SLC4A4: variants seen among roughly 807,000 people sequenced by gnomAD.
SLC4A4 encodes electrogenic sodium bicarbonate cotransporter 1.
A neutral mutation model predicts 111.5 loss-of-function variants in SLC4A4; 27 were observed. The ratio of observed to expected loss-of-function variants is 0.24; its 90% CI spans 0.18 to 0.33. The LOEUF is 0.33. SLC4A4 is among the 10% of genes least tolerant of loss of function. SLC4A4 has a pLI of 1.00. For missense variants in SLC4A4, 909 were observed against 1,315.5 expected (o/e 0.69, Z 4.78); for synonymous variants, 443 against 463.4 (o/e 0.96, Z 0.57).
chr4:71,524,737 A>G (rs1184944914), intron 16 of SLC4A4, among the ~76,000 whole-genome samples: 1 of 152,000 alleles, frequency 6.6e-6, no homozygotes, highest in Non-Finnish European at 1.5e-5. Context: ...TTTTGTGATT[A>G]CCAAAATAGC....
chr4:71,445,344 T>G (rs887753389), intron 8 of SLC4A4, among the ~76,000 whole-genome samples: 8 of 152,192 alleles, frequency 5.3e-5, no homozygotes, highest in African/African-American at 1.9e-4. Flanking sequence ...AGACAATGTT[T>G]TGGCTTTGTT....
At chr4:71,331,946 T>C (rs1025127919) in intron 3 of SLC4A4, among the ~76,000 whole-genome samples, 9 of 152,164 alleles carry the variant, frequency 5.9e-5, no homozygotes, top group African/African-American at 1.9e-4. Context: ...TTCTTCTAAG[T>C]TTCTCAGTTT....
intron 1 of SLC4A4, among the ~76,000 whole-genome samples, chr4:71,204,710 A>G (rs932763587): frequency 3.3e-5 from 5 of 152,178 alleles, no homozygotes; most frequent in African/African-American, 9.7e-5. Context: ...TTCAAAAACA[A>G]CTTTAATATA....
At chr4:71,467,339 T>C (rs1251929731) in intron 13 of SLC4A4, among the ~76,000 whole-genome samples, 2 of 152,108 alleles carry the variant, frequency 1.3e-5, no homozygotes, top group African/African-American at 4.8e-5. Context: ...TCACCCCAGT[T>C]TCATGTTCTT....
chr4:71,339,284 C>G, intron 3 of SLC4A4, 86 bp from the exon 4 acceptor site: 1 of 1,614,134 alleles, frequency 6.2e-7, no homozygotes, highest in African/African-American at 1.3e-5. Context: ...AGCCCAGTAA[C>G]CTTGGGGAGA....
chr4:71,102,549 C>T (rs1241076042), intron 2 of SLC4A4, among the ~76,000 whole-genome samples: 1 of 152,094 alleles, frequency 6.6e-6, no homozygotes, highest in Non-Finnish European at 1.5e-5. Flanking sequence ...AAAGGAAAGC[C>T]CATCAGACTA....
intron 3 of SLC4A4, among the ~76,000 whole-genome samples, chr4:71,262,773 T>C (rs74664833): frequency 0.016 from 2,417 of 152,176 alleles, 70 homozygotes; most frequent in African/African-American, 0.055. Context: ...TTTTTTTTTT[T>C]CTAGCAAACA....
rs200279577 is a variant in SLC4A4 at position 71,560,079 on chromosome 4, A to G, written c.2938-14A>G. 5.6e-6 allele frequency: 9 copies of G among 1,598,376 alleles called. 1 individual carries two copies. Among genetic ancestry groups the G allele is most frequent in the South Asian group, 3.3e-5 (3 of 90,718 alleles). ...ACATGGTTTCTTTCATACTTTTAAT[A>G]TTTGCTCTTTCAGATCTTGGCACTT... On this transcript the variant is annotated splice_polypyrimidine_tract_variant and intron_variant, in intron 22 of 25. Coordinates refer to ENST00000264485, the MANE Select transcript of SLC4A4 (RefSeq NM_001098484.3).
intron 22 of SLC4A4, among the ~76,000 whole-genome samples, chr4:71,559,818 C>A (rs1314670999): frequency 6.6e-6 from 1 of 151,956 alleles, no homozygotes; most frequent in Non-Finnish European, 1.5e-5. Flanking sequence ...GAAAAACAAT[C>A]TTTTCACATT....
At chr4:71,434,657 A>T (rs374438915) in intron 7 of SLC4A4, 2 of 152,188 alleles carry the variant, frequency 1.3e-5, no homozygotes, top group African/African-American at 4.8e-5. Flanking sequence ...ACACAATTGT[A>T]TATTTAGAAA....
intron 2 of SLC4A4, 77 bp downstream of exon 2, chr4:71,236,726 A>G (rs1785621669): frequency 5.8e-6 from 7 of 1,207,626 alleles, no homozygotes; most frequent in Non-Finnish European, 7.3e-6. Flanking sequence ...TGCATTTCAT[A>G]TATCTTACAT....
At chr4:71,559,174 G>C (rs1026027969) in intron 22 of SLC4A4, among the ~76,000 whole-genome samples, 2 of 151,896 alleles carry the variant, frequency 1.3e-5, no homozygotes, top group African/African-American at 2.4e-5. Context: ...GTCATATAGA[G>C]AGCACGATGC....
chr4:71,469,100 G>A (rs1577978580), intron 13 of SLC4A4, among the ~76,000 whole-genome samples: 1 of 152,056 alleles, frequency 6.6e-6, no homozygotes. Context: ...AAAGATACTT[G>A]TAGTTTTATT....
At chr4:71,345,656 C>G (rs561601082) in intron 4 of SLC4A4, among the ~76,000 whole-genome samples, 2 of 152,036 alleles carry the variant, frequency 1.3e-5, no homozygotes, top group African/African-American at 2.4e-5. Flanking sequence ...AGGGCATGGC[C>G]ATTAAGCACC....
intron 3 of SLC4A4, among the ~76,000 whole-genome samples, chr4:71,294,486 T>A (rs970453787): frequency 1.3e-5 from 2 of 152,212 alleles, no homozygotes; most frequent in African/African-American, 2.4e-5. Flanking sequence ...AGATTAAACA[T>A]GTTTGAAATG....
intron 2 of SLC4A4, among the ~76,000 whole-genome samples, chr4:71,145,300 C>T (rs180723972): frequency 0.015 from 2,317 of 152,288 alleles, 69 homozygotes; most frequent in African/African-American, 0.053. Flanking sequence ...ATGAAGCCCA[C>T]TTGATCATGG....
intron 6 of SLC4A4, among the ~76,000 whole-genome samples, chr4:71,370,096 A>G (rs1158100645): frequency 6.6e-6 from 1 of 152,204 alleles, no homozygotes; most frequent in Non-Finnish European, 1.5e-5. Context: ...TAAAAGTTAC[A>G]AATACTAAAT....
At chr4:71,314,918 A>G (rs1457122980) in intron 3 of SLC4A4, among the ~76,000 whole-genome samples, 12 of 152,126 alleles carry the variant, frequency 7.9e-5, no homozygotes, top group Admixed American at 6.6e-4. Flanking sequence ...TGTATCCCAG[A>G]ACTTAAAGTA....
intron 1 of SLC4A4, among the ~76,000 whole-genome samples, chr4:71,069,241 G>A (rs71619698): frequency 0.071 from 10,843 of 152,236 alleles, 440 homozygotes; most frequent in South Asian, 0.13. Context: ...GAAAAAGTCT[G>A]GCAGAGTAGT....
Sources: gnomAD v4.1 joint callset for allele counts (sites outside exome capture counted in the v4.1 genomes callset) on GRCh38, gnomAD v4.1.1 for gene constraint, MANE v1.5 for transcripts, NCBI Gene and HGNC (gene_info 2026-07-23, HGNC 2026-07-21) for gene names.